The following DIP2C variants were observed in gnomAD, a reference collection of about 807,000 sequenced individuals.
DIP2C encodes the protein disco-interacting protein 2 homolog C.
A neutral mutation model predicts 192.4 loss-of-function variants in DIP2C; 33 were observed. That is an observed-to-expected ratio of 0.17 (90% CI 0.13 to 0.23). DIP2C has a LOEUF of 0.23. Among genes scored for constraint, DIP2C ranks in the 10% least tolerant of loss-of-function variants. DIP2C has a pLI of 1.00. For synonymous variants in DIP2C, 979 were observed against 864.1 expected (o/e 1.13, Z -2.33); for missense variants, 1,537 against 2,110.1 (o/e 0.73, Z 5.32).
At chr10:647,963 CTG>C (rs1855566224) in intron 1 of DIP2C, among the ~76,000 whole-genome samples, 1 of 151,580 alleles carries the variant, frequency 6.6e-6, no homozygotes. Flanking sequence ...CAGAGGGAAA[CTG>C]AGTCCACATC....
intron 36 of DIP2C, 120 bp from the exon 37 acceptor site, chr10:277,697 C>G: frequency 7.4e-7 from 1 of 1,356,620 alleles, no homozygotes. Context: ...ACAGTCTCCT[C>G]CGGCCTCTCC....
At position 327,093 on chromosome 10, in the gene DIP2C, G is replaced by C; in HGVS notation, c.3837C>G (p.Phe1279Leu). 6.2e-7 allele frequency: 1 copy of C among 1,614,194 alleles called. No individual in the cohort carries two copies. Residue 1279 changes from phenylalanine (F) to leucine (L), a missense_variant, in exon 31 of 37, where the codon TTC becomes TTG. Phe to Leu is a conservative substitution (Grantham distance 22). Around this residue, in one of 4 missense-constraint regions of DIP2C, gnomAD observed 341 missense variants for 551.7 expected, o/e 0.62. Coordinates refer to ENST00000280886, the MANE Select transcript of DIP2C (RefSeq NM_014974.3). ...ERPRIALTQS[F>L]SKLFKDLGLH... ...GGCCCAGGTCCTTAAACAGCTTTGA[G>C]AACGACTGTGTGAGTGCGATCCGAG...
intron 2 of DIP2C, among the ~76,000 whole-genome samples, chr10:475,578 A>G (rs958353310): frequency 2.6e-5 from 4 of 152,188 alleles, no homozygotes; most frequent in Non-Finnish European, 5.9e-5. Flanking sequence ...GATCTCAGAA[A>G]GCTACTTTTG....
At chr10:337,800 C>CGTGTGTTGTAGAGGCCTAGGCAGCTGTGT (rs749822515) in intron 29 of DIP2C, among the ~76,000 whole-genome samples, 1 of 122,548 alleles carries the variant, frequency 8.2e-6, no homozygotes, top group Non-Finnish European at 1.7e-5. Flanking sequence ...TGTGTGTGCA[C>CGTGTGTTGTAGAGGCCTAGGCAGCTGTGT]GTGTGTCGTG....
intron 31 of DIP2C, among the ~76,000 whole-genome samples, chr10:325,451 T>TGACATTTTA (rs1957233818): frequency 6.6e-6 from 1 of 152,124 alleles, no homozygotes; most frequent in African/African-American, 2.4e-5. Context: ...AGCGCCACCT[T>TGACATTTTA]GACATTTTAA....
intron 24 of DIP2C, among the ~76,000 whole-genome samples, chr10:350,979 T>C (rs1191567893): frequency 1.3e-5 from 2 of 152,096 alleles, no homozygotes; most frequent in African/African-American, 2.4e-5. Flanking sequence ...GCTACAAAGA[T>C]GAATGCATGA....
chr10:424,382 T>TTTTTTTTTTTTTTG (rs1388302720), intron 4 of DIP2C, among the ~76,000 whole-genome samples: 13 of 101,356 alleles, frequency 1.3e-4, no homozygotes, highest in Non-Finnish European at 5.7e-5. Flanking sequence ...TTTTTTTTTT[T>TTTTTTTTTTTTTTG]TGAGACAGAG....
At chr10:677,996 G>A (rs966662250) in intron 1 of DIP2C, among the ~76,000 whole-genome samples, 20 of 152,228 alleles carry the variant, frequency 1.3e-4, no homozygotes, top group South Asian at 2.1e-4. Flanking sequence ...ATGAGCCCCC[G>A]CTGCAGAGCA....
intron 36 of DIP2C, among the ~76,000 whole-genome samples, 194 bp downstream of exon 36, chr10:281,006 G>A (rs188342210): frequency 1.4e-4 from 22 of 152,208 alleles, no homozygotes; most frequent in Admixed American, 1.4e-3. Context: ...GGTAATATAT[G>A]GTACATTAAC....
intron 17 of DIP2C, chr10:370,004 C>T (rs1960772421): frequency 2.0e-6 from 2 of 985,476 alleles, no homozygotes; most frequent in Non-Finnish European, 2.4e-6. Flanking sequence ...CCACGGTCTG[C>T]TCTTCTAGTT....
intron 1 of DIP2C, among the ~76,000 whole-genome samples, chr10:627,554 C>A (rs1299262740): frequency 2.0e-5 from 3 of 152,234 alleles, no homozygotes; most frequent in African/African-American, 4.8e-5. Context: ...GCGCCACTGA[C>A]CCAGAAGTGC....
chr10:662,263 T>C (rs1289752596), intron 1 of DIP2C: 2 of 625,352 alleles, frequency 3.2e-6, no homozygotes, highest in Non-Finnish European at 5.7e-6. Context: ...CTGTATGAGG[T>C]ACCTATGCAC....
intron 1 of DIP2C, among the ~76,000 whole-genome samples, chr10:496,310 G>C (rs1384986583): frequency 1.4e-5 from 2 of 144,822 alleles, no homozygotes; most frequent in Non-Finnish European, 3.0e-5. Context: ...CAAACAACAT[G>C]AGTGCTGAGT....
At chr10:680,322 C>G (rs796811188) in intron 1 of DIP2C, among the ~76,000 whole-genome samples, 6 of 152,208 alleles carry the variant, frequency 3.9e-5, no homozygotes, top group African/African-American at 1.4e-4. Context: ...GACATGAGCC[C>G]GGCCTCCTGC....
chr10:672,008 CGGAGGAAAAGCCACAGACGCACGGAA>C (rs1399100492), intron 1 of DIP2C, among the ~76,000 whole-genome samples: 1 of 127,634 alleles, frequency 7.8e-6, no homozygotes, highest in African/African-American at 3.1e-5. Flanking sequence ...GACGCACGGA[CGGAGGAAAAGCCACAGACGCACGGAA>C]GGAGGAAACA....
chr10:488,762 G>A (rs973137026), intron 1 of DIP2C, among the ~76,000 whole-genome samples: 6 of 152,190 alleles, frequency 3.9e-5, no homozygotes, highest in South Asian at 2.1e-4. Flanking sequence ...GCGTGATGTC[G>A]TGGATGACTG....
intron 9 of DIP2C, among the ~76,000 whole-genome samples, chr10:404,721 C>CTATGAATA (rs1964683102): frequency 6.6e-6 from 1 of 152,162 alleles, no homozygotes; most frequent in East Asian, 1.9e-4. Context: ...GTTGTAGATT[C>CTATGAATA]TATGAATATA....
intron 31 of DIP2C, among the ~76,000 whole-genome samples, chr10:320,614 T>G (rs1217701612): frequency 2.0e-5 from 3 of 151,972 alleles, no homozygotes; most frequent in Non-Finnish European, 4.4e-5. Flanking sequence ...GGGAGGGAGA[T>G]TCTTTCATAA....
At chr10:577,604 G>C (rs980723456) in intron 1 of DIP2C, among the ~76,000 whole-genome samples, 1 of 152,176 alleles carries the variant, frequency 6.6e-6, no homozygotes, top group Non-Finnish European at 1.5e-5. Context: ...AAGGGCCCCA[G>C]CCCTGCCATC....
Sources: allele counts gnomAD v4.1 joint callset (sites outside exome capture counted in the v4.1 genomes callset), GRCh38; gene constraint gnomAD v4.1.1; regional missense constraint gnomAD v4.1.1; transcripts MANE v1.5; gene names NCBI Gene and HGNC (gene_info 2026-07-23, HGNC 2026-07-21).